The following HCN1 variants were observed in gnomAD, a reference collection of about 807,000 sequenced individuals.
HCN1 encodes the protein hyperpolarization activated cyclic nucleotide gated potassium channel 1.
HCN1 carries 13 observed loss-of-function variants against 78.9 expected under a neutral mutation model. The observed-to-expected ratio is 0.16, with a 90% CI of 0.11 to 0.26. HCN1 has a LOEUF of 0.26. Among genes scored for constraint, HCN1 ranks in the 10% least tolerant of loss-of-function variants. The pLI is 1.00. For missense variants in HCN1, 810 were observed against 1,154.3 expected, an observed-to-expected ratio of 0.70 and a Z score of 4.32; for synonymous variants, 552 against 455.5, an observed-to-expected ratio of 1.21 and a Z score of -2.70.
intron 3 of HCN1, among the ~76,000 whole-genome samples, chr5:45,442,827 G>A (rs991202772): frequency 9.2e-5 from 14 of 151,974 alleles, no homozygotes; most frequent in Admixed American, 8.5e-4. Context: ...TATGAGAATG[G>A]CTTCTGTAGG....
intron 2 of HCN1, among the ~76,000 whole-genome samples, chr5:45,568,891 G>T (rs1452748180): frequency 2.0e-5 from 3 of 152,026 alleles, no homozygotes; most frequent in Non-Finnish European, 4.4e-5. Flanking sequence ...AAGTTGAAAG[G>T]TCTCTGATCT....
chr5:45,317,637 A>G (rs1348381455), intron 5 of HCN1, among the ~76,000 whole-genome samples: 1 of 152,000 alleles, frequency 6.6e-6, no homozygotes, highest in East Asian at 1.9e-4. Flanking sequence ...AACCTACAGA[A>G]TGGGAGAAAA....
intron 5 of HCN1, among the ~76,000 whole-genome samples, chr5:45,324,245 CA>C (rs1746188775): frequency 1.3e-5 from 2 of 151,678 alleles, no homozygotes; most frequent in South Asian, 4.2e-4. Context: ...AAAATTTTTG[CA>C]ATCTACTCAT....
chr5:45,373,308 T>G (rs1462428561), intron 4 of HCN1, among the ~76,000 whole-genome samples: 1 of 118,028 alleles, frequency 8.5e-6, no homozygotes, highest in Non-Finnish European at 1.6e-5. Context: ...TTTTATATAC[T>G]ATATATAAAA....
intron 5 of HCN1, among the ~76,000 whole-genome samples, chr5:45,336,477 G>A (rs979369408): frequency 2.0e-5 from 3 of 151,994 alleles, no homozygotes; most frequent in Admixed American, 6.6e-5. Flanking sequence ...TGTGCAGGAC[G>A]TACAGCCTAG....
intron 2 of HCN1, among the ~76,000 whole-genome samples, chr5:45,516,353 C>T (rs1197508401): frequency 6.6e-6 from 1 of 151,840 alleles, no homozygotes; most frequent in African/African-American, 2.4e-5. Context: ...CCATCCATAT[C>T]CCCAGAAGAA....
chr5:45,433,248 T>C (rs988251533), intron 3 of HCN1, among the ~76,000 whole-genome samples: 2 of 152,258 alleles, frequency 1.3e-5, no homozygotes, highest in African/African-American at 4.8e-5. Flanking sequence ...CTTTTTGATG[T>C]GCTGCTGGAT....
At chr5:45,574,445 G>C (rs762229564) in intron 2 of HCN1, 2 of 152,034 alleles carry the variant, frequency 1.3e-5, no homozygotes, top group African/African-American at 2.4e-5. Flanking sequence ...TCATCAATAA[G>C]TGTGTGTTCT....
At chr5:45,466,453 G>GT in intron 2 of HCN1, among the ~76,000 whole-genome samples, 1 of 152,048 alleles carries the variant, frequency 6.6e-6, no homozygotes, top group South Asian at 2.1e-4. Context: ...ATACACCTTC[G>GT]TAAGTATCAA....
intron 2 of HCN1, among the ~76,000 whole-genome samples, chr5:45,594,104 A>C (rs1744439472): frequency 6.6e-6 from 1 of 152,112 alleles, no homozygotes; most frequent in African/African-American, 2.4e-5. Flanking sequence ...CAATTTACTA[A>C]ATGGTTTCCC....
chr5:45,344,011 G>A (rs1210145513), intron 5 of HCN1, among the ~76,000 whole-genome samples: 2 of 152,114 alleles, frequency 1.3e-5, no homozygotes, highest in Admixed American at 6.6e-5. Flanking sequence ...CTGAGACCGA[G>A]TAATTTATAA....
At chr5:45,491,721 A>G (rs1301822895) in intron 2 of HCN1, among the ~76,000 whole-genome samples, 1 of 152,190 alleles carries the variant, frequency 6.6e-6, no homozygotes, top group Non-Finnish European at 1.5e-5. Context: ...TTTTAGCTGG[A>G]AAAATTAATG....
intron 2 of HCN1, among the ~76,000 whole-genome samples, chr5:45,496,613 T>G (rs1742037342): frequency 6.6e-6 from 1 of 152,150 alleles, no homozygotes. Context: ...TTATTAGTCT[T>G]GCTAGCGGTC....
At chr5:45,520,069 G>A (rs773184223) in intron 2 of HCN1, among the ~76,000 whole-genome samples, 1 of 151,888 alleles carries the variant, frequency 6.6e-6, no homozygotes, top group African/African-American at 2.4e-5. Flanking sequence ...AAAGATATGG[G>A]CATTAATCAC....
intron 4 of HCN1, among the ~76,000 whole-genome samples, chr5:45,374,139 A>G (rs1747529902): frequency 8.9e-6 from 1 of 112,414 alleles, no homozygotes; most frequent in South Asian, 2.4e-4. Context: ...TATATTATAT[A>G]CATATTATAT....
At chr5:45,319,869 A>C (rs1746086719) in intron 5 of HCN1, among the ~76,000 whole-genome samples, 1 of 151,868 alleles carries the variant, frequency 6.6e-6, no homozygotes, top group African/African-American at 2.4e-5. Flanking sequence ...GAATAGCAAA[A>C]CTTTAAGGTT....
intron 6 of HCN1, among the ~76,000 whole-genome samples, chr5:45,285,945 T>A (rs1389505154): frequency 6.6e-6 from 1 of 151,960 alleles, no homozygotes; most frequent in Non-Finnish European, 1.5e-5. Flanking sequence ...TCTTCTCTGA[T>A]AAACTTTCTT....
intron 3 of HCN1, among the ~76,000 whole-genome samples, chr5:45,428,479 T>A (rs1429930964): frequency 6.6e-6 from 1 of 152,100 alleles, no homozygotes; most frequent in Non-Finnish European, 1.5e-5. Context: ...AAAAAATTCA[T>A]GTCACTCTAA....
At chr5:45,293,790 C>A (rs1037308286) in intron 6 of HCN1, among the ~76,000 whole-genome samples, 5 of 151,910 alleles carry the variant, frequency 3.3e-5, no homozygotes, top group African/African-American at 1.2e-4. Flanking sequence ...TAGCATCTCT[C>A]TCACACAATG....
Sources: allele counts gnomAD v4.1 joint callset (sites outside exome capture counted in the v4.1 genomes callset), GRCh38; gene constraint gnomAD v4.1.1; transcripts MANE v1.5; gene names NCBI Gene and HGNC (gene_info 2026-07-23, HGNC 2026-07-21).